OR4K1: variants seen among roughly 807,000 people sequenced by gnomAD.
The protein encoded by OR4K1 is olfactory receptor family 4 subfamily K member 1.
In OR4K1, 16 loss-of-function variants were observed where a neutral mutation model predicts 14.4. That is an observed-to-expected ratio of 1.11 (90% CI 0.75 to 1.68). The LOEUF is 1.68. Ranked by LOEUF, OR4K1 falls within the 40% of genes most tolerant of loss-of-function variation. The pLI is 0.00. For missense variants in OR4K1, 548 were observed against 376.9 expected (o/e 1.45, Z -3.76); for synonymous variants, 181 against 133.1 (o/e 1.36, Z -2.48).
At chr14:19,929,855 CTGTT>C (rs1460891235), upstream of OR4K1, among the ~76,000 whole-genome samples, 53 of 152,326 alleles carry the variant, frequency 3.5e-4, no homozygotes, top group African/African-American at 1.3e-3. Context: ...CCTTAACTGT[CTGTT>C]TGTCATTGTA....
chr14:19,926,447 T>C (rs1042788410), upstream of OR4K1, among the ~76,000 whole-genome samples: 9 of 152,260 alleles, frequency 5.9e-5, no homozygotes, highest in Admixed American at 4.6e-4. Context: ...GGAAGTGACA[T>C]ACAAGAAGGT....
upstream of OR4K1, among the ~76,000 whole-genome samples, chr14:19,929,359 CTGTGTGTGTGTG>C (rs59130422): frequency 0.21 from 30,340 of 144,166 alleles, 2,361 homozygotes; most frequent in Non-Finnish European, 0.24. Flanking sequence ...ATATCACACT[CTGTGTGTGTGTG>C]TGTGTGTGTG....
At chr14:19,927,359 G>T (rs1594452252), upstream of OR4K1, among the ~76,000 whole-genome samples, 2 of 152,218 alleles carry the variant, frequency 1.3e-5, no homozygotes, top group South Asian at 4.1e-4. Flanking sequence ...TTAGTTATCA[G>T]ATTTAGATGG....
At chr14:19,920,872 A>G in the OR4K1 span, 2 of 1,614,176 alleles carry the variant, frequency 1.2e-6, no homozygotes, top group African/African-American at 1.3e-5. Flanking sequence ...CTGAGTGCAC[A>G]CGAGACCATA....
At chr14:19,926,741 C>T (rs1408416252), upstream of OR4K1, among the ~76,000 whole-genome samples, 1 of 152,250 alleles carries the variant, frequency 6.6e-6, no homozygotes, top group Non-Finnish European at 1.5e-5. Context: ...TCAGTGCAAA[C>T]TGCCCAGCCA....
Position 19,936,304 on chromosome 14 carries a change from C to A in OR4K1, c.638C>A (p.Ala213Asp), listed in dbSNP as rs777592312. The change falls in exon 2 of 2, where the codon GCT becomes GAT. Residue 213 changes from alanine (A) to aspartate (D), a missense_variant. By Grantham distance (126) the Ala-to-Asp change is moderately radical. Coordinates refer to ENST00000641172, the MANE Select transcript of OR4K1 (RefSeq NM_001004063.3). ...CTGATATCATTGAGCTGTTTCCTGG[C>A]TTTAATTATTTCCTACACCATCATT... The part of the protein sequence containing the change: ...SGLISLSCFL[A>D]LIISYTIILI... The A allele has an allele frequency of 6.2e-7, 1 of 1,614,126 alleles. No homozygotes were observed. The highest frequency in any genetic ancestry group is 1.3e-5 in the African/African-American group (1 of 74,948).
At chr14:19,925,702 G>C in the OR4K1 span, among the ~76,000 whole-genome samples, 1 of 152,250 alleles carries the variant, frequency 6.6e-6, no homozygotes, top group Non-Finnish European at 1.5e-5. Context: ...CAGCACAGAA[G>C]CTGTTCGAAA....
At chr14:19,924,166 C>T in the OR4K1 span, among the ~76,000 whole-genome samples, 11 of 152,006 alleles carry the variant, frequency 7.2e-5, no homozygotes, top group Admixed American at 3.9e-4. Context: ...TTTGGGAGGC[C>T]GAAGTGGGCG....
At chr14:19,933,624 A>AC (rs1191933519) in intron 1 of OR4K1, among the ~76,000 whole-genome samples, 2 of 151,650 alleles carry the variant, frequency 1.3e-5, no homozygotes, top group Non-Finnish European at 2.9e-5. Context: ...ATGGAGTCTC[A>AC]CTCCATCACC....
At chr14:19,923,691 T>C in the OR4K1 span, among the ~76,000 whole-genome samples, 1 of 152,220 alleles carries the variant, frequency 6.6e-6, no homozygotes, top group Non-Finnish European at 1.5e-5. Context: ...GAGAAAATTA[T>C]AAAATTTAAC....
the OR4K1 span, among the ~76,000 whole-genome samples, chr14:19,923,202 T>G: frequency 6.6e-6 from 1 of 152,262 alleles, no homozygotes; most frequent in Non-Finnish European, 1.5e-5. Flanking sequence ...ACTACCTCTC[T>G]TACATTTTCA....
At chr14:19,922,464 A>G in the OR4K1 span, among the ~76,000 whole-genome samples, 9 of 152,162 alleles carry the variant, frequency 5.9e-5, no homozygotes, top group African/African-American at 2.2e-4. Context: ...CAACCCAGAG[A>G]ACCTCTCTCC....
chr14:19,927,097 C>A (rs913361286), upstream of OR4K1, among the ~76,000 whole-genome samples: 2 of 152,254 alleles, frequency 1.3e-5, no homozygotes, highest in Non-Finnish European at 2.9e-5. Flanking sequence ...CACGCTGAAG[C>A]AGGTATAAAG....
At chr14:19,921,911 C>T in the OR4K1 span, among the ~76,000 whole-genome samples, 10 of 152,204 alleles carry the variant, frequency 6.6e-5, no homozygotes, top group Non-Finnish European at 1.2e-4. Flanking sequence ...AAACATTTGT[C>T]AGGTTTTAAG....
the OR4K1 span, among the ~76,000 whole-genome samples, chr14:19,922,842 T>G: frequency 2.0e-5 from 3 of 152,226 alleles, no homozygotes; most frequent in African/African-American, 7.2e-5. Context: ...CTATTTTATT[T>G]TTTCATTTCA....
At chr14:19,930,190 T>C (rs1009712379), upstream of OR4K1, among the ~76,000 whole-genome samples, 3 of 152,240 alleles carry the variant, frequency 2.0e-5, no homozygotes, top group Non-Finnish European at 2.9e-5. Context: ...TGCTGCAATA[T>C]GTGCCATTGT....
intron 1 of OR4K1, among the ~76,000 whole-genome samples, chr14:19,934,440 A>C (rs1882256752): frequency 1.3e-5 from 2 of 152,406 alleles, no homozygotes; most frequent in African/African-American, 4.8e-5. Context: ...TGTGTATAGA[A>C]AGATAAAACA....
chr14:19,928,250 A>G (rs926441559), upstream of OR4K1, among the ~76,000 whole-genome samples: 4 of 152,324 alleles, frequency 2.6e-5, no homozygotes, highest in African/African-American at 9.6e-5. Flanking sequence ...TTCCTGTCCC[A>G]ACAATTCTAG....
chr14:19,921,470 A>G, the OR4K1 span: 4 of 1,613,962 alleles, frequency 2.5e-6, no homozygotes, highest in Non-Finnish European at 3.4e-6. Context: ...TTATTTATAC[A>G]CTAAGGAATA....
Sources: allele counts gnomAD v4.1 joint callset (sites outside exome capture counted in the v4.1 genomes callset), GRCh38; gene constraint gnomAD v4.1.1; transcripts MANE v1.5; gene names NCBI Gene and HGNC (gene_info 2026-07-23, HGNC 2026-07-21).